The following NEGR1 variants were observed in gnomAD, a reference collection of about 807,000 sequenced individuals.
NEGR1 encodes IgLON family member 4.
A neutral mutation model predicts 40.9 loss-of-function variants in NEGR1; 10 were observed. The ratio of observed to expected loss-of-function variants is 0.24; its 90% CI spans 0.15 to 0.42. NEGR1 has a LOEUF of 0.42. Ranked by LOEUF, NEGR1 falls within the 10% of genes least tolerant of loss-of-function variation. The pLI, the probability that NEGR1 is intolerant of heterozygous loss-of-function variation, is 1.00. For synonymous variants in NEGR1, 185 were observed against 166.8 expected (o/e 1.11, Z -0.84); for missense variants, 352 against 438.9 (o/e 0.80, Z 1.77).
intron 3 of NEGR1, among the ~76,000 whole-genome samples, chr1:71,771,393 C>A (rs1230619584): frequency 1.3e-5 from 2 of 151,870 alleles, no homozygotes; most frequent in Non-Finnish European, 2.9e-5. Context: ...CATGTGTATA[C>A]CTATGTAACA....
chr1:71,841,443 C>A (rs554075041), intron 2 of NEGR1, among the ~76,000 whole-genome samples: 2 of 152,168 alleles, frequency 1.3e-5, no homozygotes, highest in African/African-American at 4.8e-5. Flanking sequence ...ATTTGAAAGA[C>A]CGATGCATAG....
In NEGR1 at chr1:71,700,240, AT is replaced by A. The variant is rs1243223065; in HGVS notation, c.536-2102del. 2.0e-5 allele frequency among the ~76,000 whole-genome samples: 3 copies of A among 152,102 alleles called. No individual in the cohort carries two copies. In the East Asian group the frequency reaches 5.8e-4, roughly 29 times the overall value. On this transcript the variant is annotated intron_variant, in intron 3 of 6. Coordinates refer to ENST00000357731, the MANE Select transcript of NEGR1 (RefSeq NM_173808.3). The stretch of plus-strand genomic sequence containing the variant: ...ACCTTAAACTTATGAGGTAAATTCC[AT>A]TACATAGAATAAGATTATGATAGTT...
intron 3 of NEGR1, among the ~76,000 whole-genome samples, chr1:71,715,504 A>C (rs777347770): frequency 6.6e-6 from 1 of 152,144 alleles, no homozygotes; most frequent in Non-Finnish European, 1.5e-5. Flanking sequence ...TTTAAACATA[A>C]GTTCCAATTC....
chr1:71,533,776 A>T (rs1445287107), intron 6 of NEGR1, among the ~76,000 whole-genome samples: 1 of 151,650 alleles, frequency 6.6e-6, no homozygotes, highest in African/African-American at 2.4e-5. Context: ...TGATGGTGAT[A>T]ATAAAAGTAC....
At chr1:71,928,793 C>G (rs780699474) in intron 2 of NEGR1, among the ~76,000 whole-genome samples, 1 of 151,992 alleles carries the variant, frequency 6.6e-6, no homozygotes, top group Non-Finnish European at 1.5e-5. Flanking sequence ...TTTGTAGGGA[C>G]TAATACAGTC....
Position 71,928,134 on chromosome 1 carries a change from A to ATG in NEGR1, c.409+6943_409+6944dup, listed in dbSNP as rs1465774516. 8.7e-5 allele frequency among the ~76,000 whole-genome samples: 7 copies of ATG among 80,694 alleles called. 1 individual carries two copies. Among genetic ancestry groups the ATG allele is most frequent in the East Asian group, 5.8e-4 (2 of 3,428 alleles). 52.9% of individuals were successfully genotyped at this position (80,694 alleles called of 152,430 possible). Reference sequence around the variant, plus strand: ...TACACATATGTATATATACACACATATGTATATATACACACATATGTATAT... The same window carrying ATG: ...TACACATATGTATATATACACACATATGTGTATATATACACACATATGTATAT... On this transcript the variant is annotated intron_variant, in intron 2 of 6. Transcript: ENST00000357731.
intron 1 of NEGR1, among the ~76,000 whole-genome samples, chr1:71,958,831 T>C (rs1436432889): frequency 6.6e-6 from 1 of 151,922 alleles, no homozygotes; most frequent in African/African-American, 2.4e-5. Flanking sequence ...GGCAGGTGCC[T>C]GTAATCCCAG....
At chr1:71,967,236 T>C (rs1373754068) in intron 1 of NEGR1, among the ~76,000 whole-genome samples, 1 of 152,136 alleles carries the variant, frequency 6.6e-6, no homozygotes, top group Non-Finnish European at 1.5e-5. Context: ...CTTGCAAAAT[T>C]CAAATAAATG....
intron 1 of NEGR1, among the ~76,000 whole-genome samples, chr1:72,101,112 A>G (rs2100244895): frequency 6.6e-6 from 1 of 152,282 alleles, no homozygotes; most frequent in African/African-American, 2.4e-5. Flanking sequence ...CAGGGGACGT[A>G]TTGCAGTCCA....
At chr1:71,677,712 G>C (rs891610209) in intron 4 of NEGR1, among the ~76,000 whole-genome samples, 1 of 152,060 alleles carries the variant, frequency 6.6e-6, no homozygotes, top group Non-Finnish European at 1.5e-5. Flanking sequence ...GCATGACCAC[G>C]CTGATTCTGG....
intron 1 of NEGR1, among the ~76,000 whole-genome samples, chr1:72,220,572 T>C (rs1653979389): frequency 6.6e-6 from 1 of 152,102 alleles, no homozygotes; most frequent in African/African-American, 2.4e-5. Flanking sequence ...ATATCGGTAA[T>C]ATGAATTGGC....
chr1:71,948,649 T>C (rs1177917896), intron 1 of NEGR1, among the ~76,000 whole-genome samples: 1 of 152,088 alleles, frequency 6.6e-6, no homozygotes, highest in Non-Finnish European at 1.5e-5. Context: ...TCTGAGCTCT[T>C]TCTTACAGAA....
intron 4 of NEGR1, among the ~76,000 whole-genome samples, chr1:71,634,408 C>T (rs939766056): frequency 3.3e-5 from 5 of 152,086 alleles, no homozygotes; most frequent in African/African-American, 9.7e-5. Context: ...GCCAAGCTGG[C>T]TTTAATGTGT....
chr1:71,925,150 C>A (rs144893232), intron 2 of NEGR1, among the ~76,000 whole-genome samples: 1 of 152,106 alleles, frequency 6.6e-6, no homozygotes, highest in African/African-American at 2.4e-5. Context: ...TTCTTGGAGT[C>A]CACAAATAGA....
At chr1:72,269,845 T>C (rs1570204477) in intron 1 of NEGR1, among the ~76,000 whole-genome samples, 2 of 151,750 alleles carry the variant, frequency 1.3e-5, no homozygotes, top group Admixed American at 1.3e-4. Context: ...GCATATATAA[T>C]ATATAGCATG....
intron 1 of NEGR1, among the ~76,000 whole-genome samples, chr1:72,026,509 T>A (rs1646811330): frequency 6.6e-6 from 1 of 151,562 alleles, no homozygotes; most frequent in Non-Finnish European, 1.5e-5. Context: ...ATCCTTTTGC[T>A]GTTGCACGGT....
At chr1:71,922,221 G>T (rs980008489) in intron 2 of NEGR1, among the ~76,000 whole-genome samples, 6 of 152,080 alleles carry the variant, frequency 3.9e-5, no homozygotes, top group Non-Finnish European at 8.8e-5. Context: ...AGGAGACACC[G>T]CCTGTGACAA....
chr1:71,950,113 TG>T (rs1253420735), intron 1 of NEGR1, among the ~76,000 whole-genome samples: 1 of 152,046 alleles, frequency 6.6e-6, no homozygotes, highest in Non-Finnish European at 1.5e-5. Flanking sequence ...AATTCAAAGA[TG>T]GGTTTTTTAC....
At chr1:71,830,900 A>G (rs905152797) in intron 2 of NEGR1, among the ~76,000 whole-genome samples, 10 of 151,960 alleles carry the variant, frequency 6.6e-5, no homozygotes, top group African/African-American at 1.2e-4. Context: ...ACACAATTAT[A>G]TAAGCCAAAT....
Sources: gnomAD v4.1 joint callset for allele counts (sites outside exome capture counted in the v4.1 genomes callset) on GRCh38, gnomAD v4.1.1 for gene constraint, MANE v1.5 for transcripts, NCBI Gene and HGNC (gene_info 2026-07-23, HGNC 2026-07-21) for gene names.